The following SLC3A2 variants were observed in gnomAD, a reference collection of about 807,000 sequenced individuals.
The protein encoded by SLC3A2 is amino acid transporter heavy chain SLC3A2.
In SLC3A2, 32 loss-of-function variants were observed where a neutral mutation model predicts 48.5. That is an observed-to-expected ratio of 0.66 (90% CI 0.50 to 0.89). The LOEUF (loss-of-function observed/expected upper bound fraction) is 0.89, where lower values mean the gene tolerates loss of function less well. Ranked by LOEUF, SLC3A2 falls within the 40% of genes least tolerant of loss-of-function variation. The probability of loss-of-function intolerance (pLI) is 0.00; values close to 1 mark genes in which losing one functional copy is unlikely to be tolerated. For missense variants in SLC3A2, 587 were observed against 680.7 expected (o/e 0.86, Z 1.53); for synonymous variants, 277 against 288.8 (o/e 0.96, Z 0.41).
Position 62,881,647 on chromosome 11 carries a change from C to T in SLC3A2, c.424+200C>T. On this transcript the variant is annotated intron_variant, in intron 1 of 8. Coordinates refer to ENST00000338663, the MANE Select transcript of SLC3A2 (RefSeq NM_001013251.3). This position sits in a 1 kb window ranked among gnomAD's most constrained non-coding sequence, Gnocchi z 4.0. ...AAGAAAGCCGACCCGCCCCTCACTC[C>T]GTCACGAGGGTGGGTGACTCAGCGT... The T allele has an allele frequency of 3.2e-6, 3 of 924,654 alleles. No homozygotes were observed. Among genetic ancestry groups the T allele is most frequent in the Non-Finnish European group, 3.1e-6 (2 of 635,546 alleles). The allele number at this position is 924,654 out of a possible 1,614,324, so 57.3% of individuals were successfully genotyped here. A position where few individuals can be genotyped will look rare whatever the true frequency, so the allele number is the denominator to read the frequency against.
chr11:62,859,457 C>G (rs1343302491), intron 1 of SLC3A2, among the ~76,000 whole-genome samples: 1 of 152,142 alleles, frequency 6.6e-6, no homozygotes, highest in Non-Finnish European at 1.5e-5. Flanking sequence ...ACAATCTGAT[C>G]TCTCTTGCTT....
At chr11:62,869,933 C>T (rs1378256601) in intron 1 of SLC3A2, among the ~76,000 whole-genome samples, 1 of 150,054 alleles carries the variant, frequency 6.7e-6, no homozygotes, top group Non-Finnish European at 1.5e-5. Context: ...CAGGTGCCTG[C>T]CACCACGCCC....
At chr11:62,870,191 A>ATTT (rs1048883000) in intron 1 of SLC3A2, among the ~76,000 whole-genome samples, 1 of 146,282 alleles carries the variant, frequency 6.8e-6, no homozygotes, top group Admixed American at 6.9e-5. Flanking sequence ...TTATTTATTT[A>ATTT]TTTTTTTTTG....
intron 1 of SLC3A2, among the ~76,000 whole-genome samples, chr11:62,873,913 C>G (rs917838431): frequency 6.8e-6 from 1 of 147,644 alleles, no homozygotes; most frequent in African/African-American, 2.5e-5. Flanking sequence ...AGTGGTCCCT[C>G]CCACCTCAGC....
intron 1 of SLC3A2, among the ~76,000 whole-genome samples, chr11:62,868,609 C>T (rs780705085): frequency 4.0e-5 from 6 of 151,862 alleles, no homozygotes; most frequent in African/African-American, 1.2e-4. Flanking sequence ...TCGTGATCTG[C>T]CCGCCTCGGC....
At chr11:62,860,377 C>T (rs1379188249) in intron 1 of SLC3A2, among the ~76,000 whole-genome samples, 2 of 151,194 alleles carry the variant, frequency 1.3e-5, no homozygotes, top group African/African-American at 2.4e-5. Flanking sequence ...TGATGGCGTG[C>T]GCCTGTAGTC....
intron 1 of SLC3A2, chr11:62,870,725 A>ATTTTTTTTT (rs754127613): frequency 1.4e-5 from 2 of 141,670 alleles, no homozygotes; most frequent in Admixed American, 7.5e-5. Flanking sequence ...TATTATTATT[A>ATTTTTTTTT]TTTTTTTTTT....
chr11:62,876,982 T>C (rs535184420), upstream of SLC3A2: 3 of 985,180 alleles, frequency 3.0e-6, no homozygotes, highest in East Asian at 3.4e-4. Flanking sequence ...GATACAGCGT[T>C]ATTTAAATTC....
chr11:62,861,239 G>T (rs958527512), intron 1 of SLC3A2, among the ~76,000 whole-genome samples: 5 of 151,844 alleles, frequency 3.3e-5, no homozygotes, highest in African/African-American at 1.2e-4. Context: ...GGAGGCTGAG[G>T]TGGGGAGGAT....
At chr11:62,878,656 T>C (rs2135002752), upstream of SLC3A2, among the ~76,000 whole-genome samples, 1 of 150,920 alleles carries the variant, frequency 6.6e-6, no homozygotes, top group East Asian at 2.0e-4. Flanking sequence ...TTTTTGCATT[T>C]TTAGTAGAGA....
intron 1 of SLC3A2, among the ~76,000 whole-genome samples, chr11:62,862,245 A>T (rs1222680397): frequency 7.5e-6 from 1 of 133,052 alleles, no homozygotes; most frequent in Non-Finnish European, 1.5e-5. Flanking sequence ...TGAACCTGGG[A>T]GGTGGAGGCA....
chr11:62,857,889 C>G (rs1238968763), intron 1 of SLC3A2, among the ~76,000 whole-genome samples: 1 of 151,680 alleles, frequency 6.6e-6, no homozygotes, highest in Non-Finnish European at 1.5e-5. Context: ...AACTGGAGCA[C>G]AAGCTTGGTG....
intron 1 of SLC3A2, among the ~76,000 whole-genome samples, chr11:62,860,117 G>A (rs1459910988): frequency 2.0e-5 from 3 of 152,152 alleles, no homozygotes; most frequent in Non-Finnish European, 2.9e-5. Flanking sequence ...AGGACTCTGT[G>A]TCATAAATAA....
upstream of SLC3A2, among the ~76,000 whole-genome samples, chr11:62,877,481 T>C (rs1457000065): frequency 1.3e-5 from 2 of 152,230 alleles, no homozygotes; most frequent in African/African-American, 4.8e-5. Context: ...TCGTCCACAA[T>C]AGCACAAGGC....
intron 1 of SLC3A2, among the ~76,000 whole-genome samples, chr11:62,858,172 A>G (rs2085359179): frequency 2.6e-5 from 4 of 152,184 alleles, no homozygotes; most frequent in Admixed American, 2.6e-4. Flanking sequence ...AATGCTAACA[A>G]GTATAATGGC....
At chr11:62,871,486 C>T (rs1019223019) in intron 1 of SLC3A2, 15 of 412,352 alleles carry the variant, frequency 3.6e-5, no homozygotes, top group South Asian at 2.1e-4. Context: ...GTTATCCGCC[C>T]GTCTCGGCCT....
At position 62,885,234 on chromosome 11, in the gene SLC3A2, A is replaced by T; in HGVS notation, c.876A>T (p.Glu292Asp). Residue 292 changes from glutamate (E) to aspartate (D), a missense_variant, in exon 6 of 9, where the codon GAA becomes GAT. By Grantham distance (45) the Glu-to-Asp change is conservative. Around this residue, in one of 3 missense-constraint regions of SLC3A2, gnomAD observed 409 missense variants for 446.7 expected, o/e 0.92. Transcript: ENST00000338663. ...TTCAGCAGATCCTGAGCCTACTCGA[A>T]TCCAACAAAGACTTGCTGTTGACTA... is the stretch of plus-strand genomic sequence containing the variant. Reference protein sequence around the residue: ...SDLQQILSLLESNKDLLLTSS... With the variant: ...SDLQQILSLLDSNKDLLLTSS... 1 of 1,614,162 alleles carries T rather than the reference A, an allele frequency of 6.2e-7. No homozygotes were observed. Among genetic ancestry groups the T allele is most frequent in the Non-Finnish European group, 8.5e-7 (1 of 1,180,042 alleles).
chr11:62,865,015 G>C (rs1312024151), intron 1 of SLC3A2, among the ~76,000 whole-genome samples: 1 of 152,124 alleles, frequency 6.6e-6, no homozygotes, highest in Non-Finnish European at 1.5e-5. Context: ...CCTGACACCT[G>C]TAAGTCCCCA....
chr11:62,858,918 T>C (rs1422796350), intron 1 of SLC3A2, among the ~76,000 whole-genome samples: 3 of 152,246 alleles, frequency 2.0e-5, no homozygotes, highest in Non-Finnish European at 4.4e-5. Flanking sequence ...GGTTTTTCCC[T>C]ATCTCAGTAG....
Sources: allele counts gnomAD v4.1 joint callset (sites outside exome capture counted in the v4.1 genomes callset), GRCh38; gene constraint gnomAD v4.1.1; regional missense constraint gnomAD v4.1.1; non-coding constraint Gnocchi (gnomAD v3.1); transcripts MANE v1.5; gene names NCBI Gene and HGNC (gene_info 2026-07-23, HGNC 2026-07-21).